The following PTPRN2 variants were observed in gnomAD, a reference collection of about 807,000 sequenced individuals.
PTPRN2 encodes the protein receptor-type tyrosine-protein phosphatase N2.
A neutral mutation model predicts 118.8 loss-of-function variants in PTPRN2; 74 were observed. That is an observed-to-expected ratio of 0.62 (90% CI 0.52 to 0.76). PTPRN2 has a LOEUF of 0.76. Among genes scored for constraint, PTPRN2 ranks in the 30% least tolerant of loss-of-function variants. The pLI is 0.00. For missense variants in PTPRN2, 1,481 were observed against 1,394.4 expected (o/e 1.06, Z -0.99); for synonymous variants, 641 against 608.0 (o/e 1.05, Z -0.80).
chr7:157,687,892 A>G (rs1797273349), intron 12 of PTPRN2, among the ~76,000 whole-genome samples: 1 of 152,362 alleles, frequency 6.6e-6, no homozygotes, highest in African/African-American at 2.4e-5. Context: ...AATTTGCCAC[A>G]GAATTCTAAT....
rs534576293 is a variant in PTPRN2, at chr7:158,472,793, C to T, written c.163+16942G>A. ...AACAAGGCCGTTGCATGCAAGGGCC[C>T]GAGAGCTGGCCGTCCACATTTCCTC... On this transcript the variant is annotated intron_variant, in intron 2 of 22. Coordinates refer to ENST00000389418, the MANE Select transcript of PTPRN2 (RefSeq NM_002847.5). Among the ~76,000 whole-genome samples the T allele has an allele frequency of 1.2e-3, 187 of 152,302 alleles. 1 individual carries two copies. Among genetic ancestry groups the T allele is most frequent in the Non-Finnish European group, 1.4e-3 (96 of 68,036 alleles).
chr7:158,133,911 G>C lies in PTPRN2; in HGVS notation c.1322C>G (p.Thr441Ser), dbSNP rs200843689. The change falls in exon 9 of 23, where the codon ACT (threonine) becomes AGT (serine). Residue 441 changes from threonine (T) to serine (S), a missense_variant. Transcript: ENST00000389418. The part of the protein sequence containing the change: ...PESSLSSEEE[T>S]AGVENVKSQT... ...GCTCTTGACGTTCTCCACTCCGGCAGTCTCCTCTTCTGAAGACAGGGAAGA... is the reference window on the plus strand; with the variant it reads ...GCTCTTGACGTTCTCCACTCCGGCACTCTCCTCTTCTGAAGACAGGGAAGA... 7 of 1,613,982 alleles carry C rather than the reference G, an allele frequency of 4.3e-6. No individual in the cohort carries two copies. Among genetic ancestry groups the C allele is most frequent in the Admixed American group, 1.7e-5 (1 of 60,022 alleles).
chr7:157,712,964 C>T lies in PTPRN2; in HGVS notation c.1789-30027G>A, dbSNP rs568743061. Among the ~76,000 whole-genome samples, 53 of 152,206 alleles carry T rather than the reference C, an allele frequency of 3.5e-4. 1 individual carries two copies. The South Asian group carries it at 3.5e-3, about 10-fold the overall frequency. On this transcript the variant is annotated intron_variant, in intron 12 of 22. Transcript: ENST00000389418. ...TCCCAGCACTGTGGGAGAATAAACG[C>T]CTGTTGTTTGAAGGCCCCTAGGTTC...
intron 6 of PTPRN2, among the ~76,000 whole-genome samples, chr7:158,155,815 C>A (rs910431104): frequency 1.3e-5 from 2 of 152,200 alleles, no homozygotes; most frequent in Admixed American, 1.3e-4. Flanking sequence ...TCACCACCAT[C>A]ATCACCATCA....
At chr7:158,399,950 G>A (rs556769705) in intron 2 of PTPRN2, among the ~76,000 whole-genome samples, 1 of 152,318 alleles carries the variant, frequency 6.6e-6, no homozygotes, top group East Asian at 1.9e-4. Context: ...GAAGCTGGGA[G>A]GGGCGGCGAG....
At chr7:158,070,593 CTG>C (rs1811221471) in intron 11 of PTPRN2, among the ~76,000 whole-genome samples, 1 of 39,182 alleles carries the variant, frequency 2.6e-5, no homozygotes, top group East Asian at 8.0e-4. Flanking sequence ...GTGGAGGTGC[CTG>C]TGGTGGAGGT....
At chr7:158,376,105 C>G (rs866450397) in intron 2 of PTPRN2, among the ~76,000 whole-genome samples, 14 of 152,162 alleles carry the variant, frequency 9.2e-5, no homozygotes, top group Non-Finnish European at 1.9e-4. Flanking sequence ...CACAGACACC[C>G]CACCCCTGGA....
In PTPRN2 at chr7:157,904,646, G is replaced by A. The variant is rs1412235766; in HGVS notation, c.1724-5909C>T. The stretch of plus-strand genomic sequence containing the variant: ...ACGCGTTCCCTTGGCGCTGTGGAAC[G>A]AGCCAGTGTCTGTGGGGCGTCAGCT... On this transcript the variant is annotated intron_variant, in intron 11 of 22. Transcript: ENST00000389418. Among the ~76,000 whole-genome samples the A allele has an allele frequency of 2.0e-5, 3 of 152,260 alleles. No homozygotes were observed. In the South Asian group the frequency reaches 6.2e-4, roughly 32 times the overall value.
At chr7:158,534,662 G>A (rs937817241) in intron 1 of PTPRN2, among the ~76,000 whole-genome samples, 4 of 152,142 alleles carry the variant, frequency 2.6e-5, no homozygotes, top group Admixed American at 6.5e-5. Flanking sequence ...ACATCTCTGC[G>A]AAGCTCCCCC....
chr7:158,331,327 C>A (rs1157094886), intron 2 of PTPRN2, among the ~76,000 whole-genome samples: 1 of 135,200 alleles, frequency 7.4e-6, no homozygotes, highest in African/African-American at 3.1e-5. Flanking sequence ...CTGAGGCCCA[C>A]AGAGGTCACT....
rs1201289594 is a variant in PTPRN2 at position 157,964,289 on chromosome 7, G to A, written c.1724-65552C>T. Among the ~76,000 whole-genome samples the A allele has an allele frequency of 1.3e-5, 2 of 152,170 alleles. No homozygotes were observed. Among genetic ancestry groups the A allele is most frequent in the Non-Finnish European group, 2.9e-5 (2 of 68,038 alleles). ...GACTGGGGTCCGCCCCACACGCACA[G>A]AGGATCACTGGGGGCGATGTAGAGA... On this transcript the variant is annotated intron_variant, in intron 11 of 22. Coordinates refer to ENST00000389418, the MANE Select transcript of PTPRN2 (RefSeq NM_002847.5). The surrounding 1 kb of genome is among the most constrained non-coding windows in gnomAD (Gnocchi z 9.0).
intron 13 of PTPRN2, chr7:157,669,617 C>T: frequency 2.2e-6 from 1 of 461,608 alleles, no homozygotes; most frequent in East Asian, 6.6e-5. Flanking sequence ...GCGATGTTGG[C>T]CAAGCAATAT....
intron 13 of PTPRN2, among the ~76,000 whole-genome samples, chr7:157,669,253 GC>G (rs1796287010): frequency 6.6e-6 from 1 of 152,202 alleles, no homozygotes. Flanking sequence ...CGGAGTCAGG[GC>G]CCCGGCAGCC....
chr7:157,943,895 T>C (rs1242545818), intron 11 of PTPRN2, among the ~76,000 whole-genome samples: 2 of 152,210 alleles, frequency 1.3e-5, no homozygotes, highest in Non-Finnish European at 2.9e-5. Flanking sequence ...CACCATCCCC[T>C]TTTAGTGTTT....
intron 12 of PTPRN2, among the ~76,000 whole-genome samples, chr7:157,829,772 A>G (rs1254877561): frequency 6.6e-6 from 1 of 152,176 alleles, no homozygotes; most frequent in Admixed American, 6.5e-5. Context: ...CTCCAGGAAA[A>G]GCCCTGGCCC....
chr7:157,943,274 G>T (rs12670619), intron 11 of PTPRN2, among the ~76,000 whole-genome samples: 79,672 of 151,942 alleles, frequency 0.52, 21,750 homozygotes, highest in African/African-American at 0.66. Context: ...TTGGGGCTTT[G>T]CTAGGAAAAT....
chr7:158,329,910 G>A (rs1163794805), intron 2 of PTPRN2, among the ~76,000 whole-genome samples: 5 of 152,092 alleles, frequency 3.3e-5, no homozygotes, highest in Admixed American at 2.6e-4. Flanking sequence ...TACATGGAGT[G>A]ACTGGCAGAG....
At chr7:157,656,576 AG>A in intron 13 of PTPRN2, 25 bp from the exon 14 acceptor site, 1 of 1,514,048 alleles carries the variant, frequency 6.6e-7, no homozygotes, top group Non-Finnish European at 8.9e-7. Flanking sequence ...GAGGAAGAGC[AG>A]GGGGTTAGTG....
At chr7:158,247,186 G>C (rs1389148978) in intron 3 of PTPRN2, among the ~76,000 whole-genome samples, 1 of 152,162 alleles carries the variant, frequency 6.6e-6, no homozygotes, top group African/African-American at 2.4e-5. Flanking sequence ...CGTGGCCCGT[G>C]GGTGGCACCC....
Sources: gnomAD v4.1 joint callset for allele counts (sites outside exome capture counted in the v4.1 genomes callset) on GRCh38, gnomAD v4.1.1 for gene constraint, Gnocchi (gnomAD v3.1) non-coding constraint, MANE v1.5 for transcripts, NCBI Gene and HGNC (gene_info 2026-07-23, HGNC 2026-07-21) for gene names.